EHMT1: variants seen among roughly 807,000 people sequenced by gnomAD.
EHMT1 encodes the protein histone-lysine N-methyltransferase EHMT1.
A neutral mutation model predicts 147.2 loss-of-function variants in EHMT1; 15 were observed. That is an observed-to-expected ratio of 0.10 (90% CI 0.07 to 0.16). The LOEUF is 0.16. Ranked by LOEUF, EHMT1 falls within the 10% of genes least tolerant of loss-of-function variation. The pLI is 1.00. For missense variants in EHMT1, 1,587 were observed against 1,772.4 expected (o/e 0.90, Z 1.88); for synonymous variants, 795 against 709.6 (o/e 1.12, Z -1.91).
intron 2 of EHMT1, chr9:137,715,453 G>T: frequency 1.2e-6 from 1 of 815,730 alleles, no homozygotes; most frequent in Non-Finnish European, 1.5e-6. Flanking sequence ...TAACGTCCTC[G>T]GGTGGAAGGA....
In EHMT1 at chr9:137,813,341, C is replaced by CAG. The variant is rs1157433102; in HGVS notation, c.3036-42_3036-41dup. 25 of 1,591,312 alleles carry CAG rather than the reference C, an allele frequency of 1.6e-5. No homozygotes were observed. The East Asian group carries it at 5.5e-4, about 35-fold the overall frequency. ...ACTGCACGCTGTGCCACCCCCTGGG[C>CAG]AGAGCACGTCAGCCACCAGGTGACA... On this transcript the variant is annotated intron_variant, in intron 20 of 26. Transcript: ENST00000460843. The surrounding 1 kb of genome is among the most constrained non-coding windows in gnomAD (Gnocchi z 4.9).
At chr9:137,647,009 G>A (rs1193479039) in intron 1 of EHMT1, among the ~76,000 whole-genome samples, 2 of 152,072 alleles carry the variant, frequency 1.3e-5, no homozygotes, top group African/African-American at 2.4e-5. Flanking sequence ...CGTCTTACTG[G>A]TTCTTTCACC....
intron 7 of EHMT1, among the ~76,000 whole-genome samples, chr9:137,753,093 G>A (rs919826649): frequency 1.3e-5 from 2 of 152,166 alleles, no homozygotes; most frequent in African/African-American, 4.8e-5. Flanking sequence ...CCCCCAGCCT[G>A]TGAGGGTTCC....
intron 9 of EHMT1, among the ~76,000 whole-genome samples, chr9:137,759,734 A>ACAGGCAGG (rs1168491373): frequency 1.3e-5 from 2 of 152,212 alleles, no homozygotes; most frequent in African/African-American, 4.8e-5. Flanking sequence ...TGTAGAAGAG[A>ACAGGCAGG]CAGGCGGTGC....
At chr9:137,684,120 C>T (rs893478006) in intron 1 of EHMT1, among the ~76,000 whole-genome samples, 2 of 152,028 alleles carry the variant, frequency 1.3e-5, no homozygotes, top group Non-Finnish European at 2.9e-5. Flanking sequence ...ACTGTAGCCT[C>T]GACCTCCCGG....
chr9:137,791,980 G>A (rs1564770077), intron 16 of EHMT1: 3 of 414,330 alleles, frequency 7.2e-6, no homozygotes, highest in Non-Finnish European at 1.0e-5. Flanking sequence ...TGATCCGCCC[G>A]CCTCAGCCTC....
intron 10 of EHMT1, among the ~76,000 whole-genome samples, chr9:137,768,635 C>T (rs1332084338): frequency 5.3e-5 from 7 of 132,516 alleles, no homozygotes; most frequent in South Asian, 5.0e-4. Context: ...CTGCAAGCTC[C>T]GCCTCCCGGG....
rs1951003958 is a variant in EHMT1, at chr9:137,776,905, TAACTC to T, written c.2018+65_2018+69del. ...GTCCACCTGAAAAAGTTTCAGTTGT[TAACTC>T]AACGTTATTGCTTCCTGCTGTTTTT... On this transcript the variant is annotated intron_variant, in intron 12 of 26. Coordinates refer to ENST00000460843, the MANE Select transcript of EHMT1 (RefSeq NM_024757.5). The surrounding 1 kb of genome is among the most constrained non-coding windows in gnomAD (Gnocchi z 4.4). 8.0e-6 allele frequency: 12 copies of T among 1,495,556 alleles called. No individual in the cohort carries two copies. The highest frequency in any genetic ancestry group is 1.4e-5 in the African/African-American group (1 of 72,466). 92.6% of individuals were successfully genotyped at this position (1,495,556 alleles called of 1,614,324 possible).
chr9:137,703,680 A>C (rs1207471735), intron 1 of EHMT1, among the ~76,000 whole-genome samples: 1 of 152,128 alleles, frequency 6.6e-6, no homozygotes, highest in East Asian at 1.9e-4. Context: ...TTCATTGTCC[A>C]TATCACTGTC....
At chr9:137,668,766 C>T (rs1307551303) in intron 1 of EHMT1, among the ~76,000 whole-genome samples, 5 of 152,006 alleles carry the variant, frequency 3.3e-5, no homozygotes, top group Non-Finnish European at 7.4e-5. Context: ...GACAGTGCTG[C>T]CATGAACATT....
At chr9:137,634,965 C>T (rs1404707717) in intron 1 of EHMT1, among the ~76,000 whole-genome samples, 10 of 150,328 alleles carry the variant, frequency 6.7e-5, no homozygotes, top group East Asian at 2.0e-4. Flanking sequence ...CGTGATCCGC[C>T]GGCCTCGGCC....
chr9:137,797,720 T>C (rs1388265376), intron 16 of EHMT1, among the ~76,000 whole-genome samples: 1 of 151,912 alleles, frequency 6.6e-6, no homozygotes, highest in Non-Finnish European at 1.5e-5. Context: ...GGGAGCAGTA[T>C]GTGCAGTGAT....
At chr9:137,699,225 C>G (rs1422572717) in intron 1 of EHMT1, among the ~76,000 whole-genome samples, 1 of 152,196 alleles carries the variant, frequency 6.6e-6, no homozygotes, top group African/African-American at 2.4e-5. Flanking sequence ...TTTAAAAAAG[C>G]ATCTAACATC....
intron 1 of EHMT1, among the ~76,000 whole-genome samples, chr9:137,698,088 T>TGTCGTGAGGGCAGCGTGTGAGGGC: frequency 6.7e-6 from 1 of 150,190 alleles, no homozygotes; most frequent in Non-Finnish European, 1.5e-5. Flanking sequence ...CCTCACTCCC[T>TGTCGTGAGGGCAGCGTGTGAGGGC]GGCTTTCACT....
chr9:137,786,676 C>A lies in EHMT1; in HGVS notation c.2383-4172C>A, dbSNP rs1951998418. The A allele has an allele frequency of 6.5e-6, 1 of 154,550 alleles. No individual in the cohort carries two copies. Among genetic ancestry groups the A allele is most frequent in the Admixed American group, 6.5e-5 (1 of 15,306 alleles). The allele number at this position is 154,550 out of a possible 1,614,324, so 9.6% of individuals were successfully genotyped here. On this transcript the variant is annotated intron_variant, in intron 15 of 26. Coordinates refer to ENST00000460843, the MANE Select transcript of EHMT1 (RefSeq NM_024757.5). This position sits in a 1 kb window ranked among gnomAD's most constrained non-coding sequence, Gnocchi z 4.3. ...CGTGTGGCGTCATCTCTCCCTCCGGCTCCGGTCTTGGTCTCATGTGGTGTC... is the reference window on the plus strand; with the variant it reads ...CGTGTGGCGTCATCTCTCCCTCCGGATCCGGTCTTGGTCTCATGTGGTGTC...
intron 1 of EHMT1, among the ~76,000 whole-genome samples, chr9:137,666,726 T>C (rs766629476): frequency 6.6e-6 from 1 of 152,216 alleles, no homozygotes; most frequent in Non-Finnish European, 1.5e-5. Flanking sequence ...GTGATGATCC[T>C]GTCTGCGTGT....
At chr9:137,686,359 TA>T (rs1942430574) in intron 1 of EHMT1, among the ~76,000 whole-genome samples, 1 of 152,054 alleles carries the variant, frequency 6.6e-6, no homozygotes, top group African/African-American at 2.4e-5. Flanking sequence ...TTGTTTTTTT[TA>T]TCTATTTTGA....
intron 1 of EHMT1, among the ~76,000 whole-genome samples, chr9:137,621,770 C>T (rs1018747153): frequency 1.3e-5 from 2 of 152,158 alleles, no homozygotes; most frequent in African/African-American, 4.8e-5. Flanking sequence ...GCTTTTGTCT[C>T]AGCAAAACGT....
At position 137,712,349 on chromosome 9, in the gene EHMT1, C is replaced by T. The variant is rs545456594; in HGVS notation, c.85+1319C>T. On this transcript the variant is annotated intron_variant, in intron 2 of 26. Transcript: ENST00000460843. ...TCCCTTACACACTGCCGCTGAGCCA[C>T]GGCCTCTCCACCCTGGGGGAACTGC... 5.9e-5 allele frequency among the ~76,000 whole-genome samples: 9 copies of T among 152,342 alleles called. No individual in the cohort carries two copies. The South Asian group carries it at 8.3e-4, about 14-fold the overall frequency.
Sources: gnomAD v4.1 joint callset for allele counts (sites outside exome capture counted in the v4.1 genomes callset) on GRCh38, gnomAD v4.1.1 for gene constraint, Gnocchi (gnomAD v3.1) non-coding constraint, MANE v1.5 for transcripts, NCBI Gene and HGNC (gene_info 2026-07-23, HGNC 2026-07-21) for gene names.